NOVA2: variants seen among roughly 807,000 people sequenced by gnomAD.
The protein encoded by NOVA2 is RNA-binding protein Nova-2.
A neutral mutation model predicts 22.5 loss-of-function variants in NOVA2; 9 were observed. That is an observed-to-expected ratio of 0.40 (90% CI 0.24 to 0.70). NOVA2 has a LOEUF of 0.70. Ranked by LOEUF, NOVA2 falls within the 30% of genes least tolerant of loss-of-function variation. The pLI, the probability that NOVA2 is intolerant of heterozygous loss-of-function variation, is 0.38. For missense variants in NOVA2, 383 were observed against 682.8 expected, an observed-to-expected ratio of 0.56 and a Z score of 4.89; for synonymous variants, 318 against 335.2, an observed-to-expected ratio of 0.95 and a Z score of 0.56.
At chr19:45,945,272 A>C (rs1323938108) in intron 3 of NOVA2, among the ~76,000 whole-genome samples, 1 of 151,986 alleles carries the variant, frequency 6.6e-6, no homozygotes, top group Non-Finnish European at 1.5e-5. Context: ...ACTACACTCC[A>C]GCCTGGGTGA....
intron 3 of NOVA2, among the ~76,000 whole-genome samples, chr19:45,949,994 G>A (rs1193480116): frequency 6.6e-6 from 1 of 151,872 alleles, no homozygotes; most frequent in Non-Finnish European, 1.5e-5. Context: ...GCCCACCTCG[G>A]CTTCCCAAGG....
At position 45,939,567 on chromosome 19, in the gene NOVA2, C is replaced by T. The variant is rs1967711207; in HGVS notation, c.*296G>A. 6.2e-6 allele frequency: 2 copies of T among 323,816 alleles called. No homozygotes were observed. Among genetic ancestry groups the T allele is most frequent in the Admixed American group, 5.0e-5 (1 of 20,160 alleles). The allele number at this position is 323,816 out of a possible 1,614,324, so 20.1% of individuals were successfully genotyped here. ...TAAAATCAACAAAATGCAATATATA[C>T]AGATATCACACAGACCTGGGCCCTG... On this transcript the variant is annotated 3_prime_UTR_variant, in exon 4 of 4. Transcript: ENST00000263257.
At chr19:45,967,334 T>TGAACTCGGAGCCCTCAGCC (rs1968180068) in intron 1 of NOVA2, 2 of 152,228 alleles carry the variant, frequency 1.3e-5, no homozygotes, top group South Asian at 2.1e-4. Flanking sequence ...TGACCTCAGC[T>TGAACTCGGAGCCCTCAGCC]GAACTCGGAG....
At chr19:45,960,980 C>T (rs1294088254) in intron 2 of NOVA2, 30 bp downstream of exon 2, 1 of 1,559,572 alleles carries the variant, frequency 6.4e-7, no homozygotes, top group Admixed American at 1.9e-5. Context: ...GGGCGGGGGG[C>T]CTAGGGCAGA....
intron 2 of NOVA2, among the ~76,000 whole-genome samples, chr19:45,958,186 G>A (rs562151927): frequency 9.9e-5 from 15 of 151,946 alleles, no homozygotes; most frequent in Admixed American, 8.5e-4. Flanking sequence ...TGGCCCTTGC[G>A]CAGGTGCTTG....
At chr19:45,972,772 A>G (rs1236029542) in intron 1 of NOVA2, among the ~76,000 whole-genome samples, 3 of 151,914 alleles carry the variant, frequency 2.0e-5, no homozygotes, top group Non-Finnish European at 4.4e-5. Flanking sequence ...ACACCTACCC[A>G]GCCTGTCCCC....
At chr19:45,956,404 C>T (rs1968006358) in intron 2 of NOVA2, among the ~76,000 whole-genome samples, 1 of 152,182 alleles carries the variant, frequency 6.6e-6, no homozygotes, top group South Asian at 2.1e-4. Context: ...GTTGGTTAAG[C>T]CCCACAAGAG....
intron 3 of NOVA2, 49 bp from the exon 4 acceptor site, chr19:45,940,994 A>T: frequency 6.7e-7 from 1 of 1,485,412 alleles, no homozygotes; most frequent in African/African-American, 1.4e-5. Flanking sequence ...TTTTTAAAAA[A>T]TTAAATTAAA....
intron 3 of NOVA2, among the ~76,000 whole-genome samples, chr19:45,948,758 T>A (rs996017797): frequency 1.5e-4 from 23 of 152,266 alleles, no homozygotes; most frequent in Admixed American, 1.3e-3. Flanking sequence ...CATAGATTTA[T>A]CATATGTCCC....
chr19:45,962,125 C>G (rs1333959897), intron 1 of NOVA2: 3 of 153,456 alleles, frequency 2.0e-5, no homozygotes, highest in African/African-American at 7.2e-5. Context: ...GGGAGCAGAC[C>G]GTGAGAAGCA....
chr19:45,948,848 A>G (rs765028157), intron 3 of NOVA2, among the ~76,000 whole-genome samples: 1 of 152,204 alleles, frequency 6.6e-6, no homozygotes, highest in Admixed American at 6.6e-5. Context: ...GTTCAGAAGC[A>G]TTACTCATCA....
chr19:45,940,172 C>T lies in NOVA2; in HGVS notation c.1170G>A (p.Ala390=). 6.3e-7 allele frequency: 1 copy of T among 1,593,374 alleles called. No homozygotes were observed. Among genetic ancestry groups the T allele is most frequent in the South Asian group, 1.1e-5 (1 of 90,292 alleles). The part of the protein sequence containing the change: ...PLVAAAAAAG[A]AGGFLTAEKL... The stretch of plus-strand genomic sequence containing the variant: ...TCTCCGCCGTCAGGAAGCCCCCGGC[C>T]GCCCCGGCCGCGGCTGCAGCGGCCA... Residue 390 remains alanine (A), a synonymous_variant, in exon 4 of 4, where the codon GCG becomes GCA. Transcript: ENST00000263257.
At chr19:45,961,755 G>A (rs1257686826) in intron 1 of NOVA2, among the ~76,000 whole-genome samples, 1 of 152,178 alleles carries the variant, frequency 6.6e-6, no homozygotes, top group Middle Eastern at 3.2e-3. Context: ...AATCACCCAA[G>A]GACACTTGTA....
At chr19:45,953,738 T>A in intron 3 of NOVA2, 42 bp downstream of exon 3, 1 of 1,611,052 alleles carries the variant, frequency 6.2e-7, no homozygotes, top group Non-Finnish European at 8.5e-7. Flanking sequence ...TCTTTGTGAA[T>A]GTCAACAGCT....
chr19:45,951,657 C>T (rs1356020541), intron 3 of NOVA2, among the ~76,000 whole-genome samples: 1 of 149,996 alleles, frequency 6.7e-6, no homozygotes, highest in African/African-American at 2.5e-5. Flanking sequence ...ATTAGCCAGG[C>T]GTGGTCGTGT....
intron 3 of NOVA2, among the ~76,000 whole-genome samples, chr19:45,953,365 G>A (rs1395714819): frequency 6.6e-6 from 1 of 152,210 alleles, no homozygotes; most frequent in Non-Finnish European, 1.5e-5. Context: ...GAAGGAGGAT[G>A]AGAGGCCATT....
At chr19:45,958,671 G>A (rs1968050525) in intron 2 of NOVA2, among the ~76,000 whole-genome samples, 1 of 152,030 alleles carries the variant, frequency 6.6e-6, no homozygotes, top group Admixed American at 6.6e-5. Flanking sequence ...GTGAGAGTGT[G>A]AGTGTGTGTG....
intron 2 of NOVA2, among the ~76,000 whole-genome samples, chr19:45,957,631 G>A (rs1968024249): frequency 6.6e-6 from 1 of 152,052 alleles, no homozygotes; most frequent in Admixed American, 6.6e-5. Context: ...CTGAGCCCAG[G>A]AGGTTGAGGT....
Position 45,938,694 on chromosome 19 carries a change from A to G in NOVA2, c.*1169T>C, listed in dbSNP as rs1023454459. ...CTGACAATATTGGTTTTTTTCCGTT[A>G]GAGTCCTCCAGATTGGATCCAAGTC... On this transcript the variant is annotated 3_prime_UTR_variant, in exon 4 of 4. Coordinates refer to ENST00000263257, the MANE Select transcript of NOVA2 (RefSeq NM_002516.4). 6.6e-6 allele frequency: 1 copy of G among 152,180 alleles called. No individual in the cohort carries two copies. The highest frequency in any genetic ancestry group is 1.5e-5 in the Non-Finnish European group (1 of 68,042). The allele number at this position is 152,180 out of a possible 1,614,324, so 9.4% of individuals were successfully genotyped here. A position where few individuals can be genotyped will look rare whatever the true frequency, so the allele number is the denominator to read the frequency against.
Sources: allele counts gnomAD v4.1 joint callset (sites outside exome capture counted in the v4.1 genomes callset), GRCh38; gene constraint gnomAD v4.1.1; transcripts MANE v1.5; gene names NCBI Gene and HGNC (gene_info 2026-07-23, HGNC 2026-07-21).